GKAP1: variants seen among roughly 807,000 people sequenced by gnomAD.
GKAP1 encodes the protein G kinase anchoring protein 1, also known as G kinase-anchoring protein 1.
Under a neutral mutation model 56.7 loss-of-function variants are expected in GKAP1, and 31 were observed. The observed-to-expected ratio is 0.55, with a 90% CI of 0.41 to 0.74. The LOEUF (loss-of-function observed/expected upper bound fraction) is 0.74, where lower values mean the gene tolerates loss of function less well. Ranked by LOEUF, GKAP1 falls within the 30% of genes least tolerant of loss-of-function variation. GKAP1 has a pLI of 0.00. For missense variants in GKAP1, 364 were observed against 402.3 expected, an observed-to-expected ratio of 0.90 and a Z score of 0.82; for synonymous variants, 151 against 138.6, an observed-to-expected ratio of 1.09 and a Z score of -0.63.
At position 83,761,593 on chromosome 9, in the gene GKAP1, G is replaced by A. The variant is rs894484718; in HGVS notation, c.738+7225C>T. Among the ~76,000 whole-genome samples the A allele has an allele frequency of 4.7e-5, 7 of 149,680 alleles. No homozygotes were observed. In the South Asian group the frequency reaches 8.5e-4, roughly 18 times the overall value. On this transcript the variant is annotated intron_variant, in intron 8 of 12. Coordinates refer to ENST00000376371, the MANE Select transcript of GKAP1 (RefSeq NM_025211.4). ...CCAGTATTACCCTGATACCAAAACC[G>A]GACAAAGAAACATCGAAAAAAGAAA...
chr9:83,799,246 T>A lies in GKAP1; in HGVS notation c.299A>T (p.Asn100Ile). ...TTCTCGTGAATCCTTCTGTACTGGG[T>A]TTGACAATGGAAGATCATGTTGAGC... The part of the protein sequence containing the change: ...CNAQHDLPLS[N>I]PVQKDSREEN... Residue 100 changes from asparagine (N) to isoleucine (I), a missense_variant, in exon 4 of 13, where the codon AAC becomes ATC. Transcript: ENST00000376371. 1 of 1,611,192 alleles carries A rather than the reference T, an allele frequency of 6.2e-7. No individual in the cohort carries two copies.
chr9:83,780,396 T>C lies in GKAP1; in HGVS notation c.571A>G (p.Ser191Gly), dbSNP rs1355411151. The change falls in exon 7 of 13, where the codon AGT becomes GGT. Residue 191 changes from serine (S) to glycine (G), a missense_variant. Ser to Gly is a moderately conservative substitution (Grantham distance 56). Transcript: ENST00000376371. ...ATAAGACTTACCTCAGTCTTTTTACTAATGTGATCTGTAAATGAAAAAGAA... is the reference window on the plus strand; with the variant it reads ...ATAAGACTTACCTCAGTCTTTTTACCAATGTGATCTGTAAATGAAAAAGAA... ...LKDFHSEDHI[S>G]KKTEELSSSQ... is the part of the protein sequence containing the mutation. 12 of 1,327,884 alleles carry C rather than the reference T, an allele frequency of 9.0e-6. No homozygotes were observed. Among genetic ancestry groups the C allele is most frequent in the Non-Finnish European group, 1.1e-5 (11 of 972,938 alleles). The allele number at this position is 1,327,884 out of a possible 1,614,324, so 82.3% of individuals were successfully genotyped here.
Position 83,788,654 on chromosome 9 carries a change from C to G in GKAP1, c.385G>C (p.Asp129His). Reference protein sequence around the residue: ...EQLTSEMFEADLEKALLLSKL... With the variant: ...EQLTSEMFEAHLEKALLLSKL... ...CTTAGTAACAATGCCTTCTCAAGAT[C>G]TGCTTCAAACATTTCAGATGTCAGC... The change falls in exon 5 of 13, where the codon GAT (aspartate) becomes CAT (histidine). Residue 129 changes from aspartate (D) to histidine (H), a missense_variant. Physicochemically the swap from Asp to His is moderately conservative, Grantham distance 81. Transcript: ENST00000376371. The G allele has an allele frequency of 3.7e-6, 6 of 1,605,278 alleles. No homozygotes were observed. The highest frequency in any genetic ancestry group is 5.1e-6 in the Non-Finnish European group (6 of 1,176,002).
chr9:83,809,821 T>C (rs1165702100), intron 2 of GKAP1, among the ~76,000 whole-genome samples: 1 of 152,222 alleles, frequency 6.6e-6, no homozygotes, highest in Non-Finnish European at 1.5e-5. Context: ...CATTTGTTTA[T>C]TTTTGAGACA....
intron 8 of GKAP1, among the ~76,000 whole-genome samples, chr9:83,757,240 A>T (rs938263275): frequency 2.6e-5 from 4 of 152,170 alleles, no homozygotes; most frequent in African/African-American, 9.7e-5. Context: ...TAAAGCTGGG[A>T]CCCACTCAGC....
intron 5 of GKAP1, among the ~76,000 whole-genome samples, chr9:83,786,433 C>G (rs1309730266): frequency 1.3e-5 from 2 of 151,496 alleles, no homozygotes; most frequent in African/African-American, 4.9e-5. Flanking sequence ...CCCAGCTACT[C>G]GGGAGGCTGA....
At chr9:83,756,345 C>G (rs987906728) in intron 8 of GKAP1, among the ~76,000 whole-genome samples, 1 of 151,528 alleles carries the variant, frequency 6.6e-6, no homozygotes, top group Non-Finnish European at 1.5e-5. Flanking sequence ...GTGGCACATG[C>G]CTTCAATCCC....
chr9:83,782,927 C>G (rs557309623), intron 6 of GKAP1, among the ~76,000 whole-genome samples: 1 of 151,978 alleles, frequency 6.6e-6, no homozygotes, highest in Admixed American at 6.6e-5. Context: ...GCGTTGTCCC[C>G]GCAAAGTGCT....
chr9:83,780,481 A>AAC, intron 6 of GKAP1, 77 bp from the exon 7 acceptor site: 2 of 609,794 alleles, frequency 3.3e-6, no homozygotes, highest in Non-Finnish European at 5.4e-6. Context: ...AAAAAAAAAA[A>AAC]ACGAAACTGA....
chr9:83,803,333 G>A (rs974418808), intron 3 of GKAP1, among the ~76,000 whole-genome samples: 2 of 149,480 alleles, frequency 1.3e-5, no homozygotes, highest in East Asian at 2.0e-4. Context: ...CTGCCATCTC[G>A]GCTCACTGCA....
chr9:83,742,096 T>A, intron 11 of GKAP1, 67 bp from the exon 12 acceptor site: 1 of 908,338 alleles, frequency 1.1e-6, no homozygotes, highest in Non-Finnish European at 1.7e-6. Context: ...ATTCTTAACA[T>A]ATTCACAATG....
chr9:83,782,230 C>T (rs138969306), intron 6 of GKAP1, among the ~76,000 whole-genome samples: 2 of 152,118 alleles, frequency 1.3e-5, no homozygotes, highest in African/African-American at 4.8e-5. Flanking sequence ...CTATAGCTAG[C>T]CTCTGGCTCC....
intron 3 of GKAP1, among the ~76,000 whole-genome samples, chr9:83,805,443 A>C (rs1944423644): frequency 6.6e-6 from 1 of 150,804 alleles, no homozygotes; most frequent in Admixed American, 6.6e-5. Context: ...CCTCTGCGAG[A>C]AACACCCAAG....
intron 9 of GKAP1, among the ~76,000 whole-genome samples, chr9:83,752,278 T>C (rs192455276): frequency 4.6e-5 from 7 of 152,208 alleles, no homozygotes; most frequent in East Asian, 3.9e-4. Context: ...GGTGCGGGCA[T>C]GGTGGCACGT....
chr9:83,741,094 C>T (rs1429967781), intron 12 of GKAP1, among the ~76,000 whole-genome samples: 6 of 151,908 alleles, frequency 3.9e-5, no homozygotes, highest in African/African-American at 1.5e-4. Flanking sequence ...TAGATACCCA[C>T]CCACTATACA....
intron 2 of GKAP1, among the ~76,000 whole-genome samples, chr9:83,812,658 TAA>T (rs199726971): frequency 2.1e-5 from 3 of 141,228 alleles, no homozygotes; most frequent in Admixed American, 7.2e-5. Context: ...ATATTAGTTC[TAA>T]AAAAAAAAAA....
At chr9:83,762,468 C>T (rs943864918) in intron 8 of GKAP1, among the ~76,000 whole-genome samples, 4 of 152,016 alleles carry the variant, frequency 2.6e-5, no homozygotes, top group African/African-American at 4.8e-5. Context: ...GTTAAAATGT[C>T]GATACCACCC....
At chr9:83,752,861 A>G (rs1424989107) in intron 9 of GKAP1, among the ~76,000 whole-genome samples, 1 of 152,108 alleles carries the variant, frequency 6.6e-6, no homozygotes, top group African/African-American at 2.4e-5. Context: ...TCTTGAGGCC[A>G]GGAGTTCGTG....
At chr9:83,792,024 G>GA (rs1944167967) in intron 4 of GKAP1, among the ~76,000 whole-genome samples, 3 of 152,140 alleles carry the variant, frequency 2.0e-5, no homozygotes, top group Admixed American at 1.3e-4. Flanking sequence ...GAAAGATGTG[G>GA]AAAAAACACA....
Sources: allele counts gnomAD v4.1 joint callset (sites outside exome capture counted in the v4.1 genomes callset), GRCh38; gene constraint gnomAD v4.1.1; transcripts MANE v1.5; gene names NCBI Gene and HGNC (gene_info 2026-07-23, HGNC 2026-07-21).